The following NRXN3 variants were observed in gnomAD, a reference collection of about 807,000 sequenced individuals.
NRXN3 encodes the protein neurexin III.
A neutral mutation model predicts 137.6 loss-of-function variants in NRXN3; 32 were observed. The observed-to-expected ratio is 0.23, with a 90% CI of 0.18 to 0.31. NRXN3 has a LOEUF of 0.31. Among genes scored for constraint, NRXN3 ranks in the 10% least tolerant of loss-of-function variants. The probability of loss-of-function intolerance (pLI) is 1.00; values close to 1 mark genes in which losing one functional copy is unlikely to be tolerated. For synonymous variants in NRXN3, 798 were observed against 784.5 expected (o/e 1.02, Z -0.29); for missense variants, 1,574 against 2,062.5 (o/e 0.76, Z 4.59).
intron 4 of NRXN3, among the ~76,000 whole-genome samples, chr14:78,601,161 C>T (rs1215117096): frequency 6.6e-6 from 1 of 152,094 alleles, no homozygotes; most frequent in East Asian, 1.9e-4. Flanking sequence ...ATGAAATCTG[C>T]ATTCTTGTGG....
intron 15 of NRXN3, among the ~76,000 whole-genome samples, chr14:79,358,955 A>C (rs1236112700): frequency 2.6e-5 from 4 of 152,332 alleles, no homozygotes; most frequent in Admixed American, 2.6e-4. Flanking sequence ...AGTTAATGGG[A>C]GATGGGAGGA....
At chr14:79,653,136 G>A (rs1200511180) in intron 16 of NRXN3, among the ~76,000 whole-genome samples, 1 of 152,000 alleles carries the variant, frequency 6.6e-6, no homozygotes, top group African/African-American at 2.4e-5. Flanking sequence ...AACTAGGAAA[G>A]GAAAAATGAG....
intron 10 of NRXN3, among the ~76,000 whole-genome samples, chr14:78,923,796 G>T (rs1274121922): frequency 6.6e-6 from 1 of 152,178 alleles, no homozygotes; most frequent in Non-Finnish European, 1.5e-5. Context: ...TTGGGAAGAA[G>T]GTACTGTTAG....
At chr14:79,619,411 A>G (rs972173193) in intron 16 of NRXN3, among the ~76,000 whole-genome samples, 5 of 152,006 alleles carry the variant, frequency 3.3e-5, no homozygotes, top group African/African-American at 1.2e-4. Flanking sequence ...TCCAGTTTCA[A>G]TCTTCTGCAT....
At chr14:79,492,861 C>T (rs1021174637) in intron 16 of NRXN3, among the ~76,000 whole-genome samples, 4 of 152,222 alleles carry the variant, frequency 2.6e-5, no homozygotes, top group Admixed American at 6.5e-5. Context: ...CCGTGATCTA[C>T]TCAAGCATCT....
At chr14:79,517,873 C>CT (rs2097010959) in intron 16 of NRXN3, among the ~76,000 whole-genome samples, 1 of 88,588 alleles carries the variant, frequency 1.1e-5, no homozygotes, top group African/African-American at 4.1e-5. Context: ...ATTACTTTTT[C>CT]TTTCAGAGTT....
At chr14:79,257,238 C>A (rs951548645) in intron 15 of NRXN3, among the ~76,000 whole-genome samples, 2 of 151,794 alleles carry the variant, frequency 1.3e-5, no homozygotes, top group African/African-American at 4.8e-5. Context: ...AACCTCCGTT[C>A]ATGCTGAGTG....
intron 4 of NRXN3, among the ~76,000 whole-genome samples, chr14:78,429,154 C>T (rs907877931): frequency 2.0e-5 from 3 of 151,986 alleles, no homozygotes; most frequent in Non-Finnish European, 2.9e-5. Flanking sequence ...TGGCTCACTG[C>T]AACCCTCCAC....
intron 4 of NRXN3, among the ~76,000 whole-genome samples, chr14:78,622,863 T>C (rs753885195): frequency 9.9e-5 from 15 of 152,266 alleles, no homozygotes; most frequent in African/African-American, 1.9e-4. Flanking sequence ...TGTGGTTTTG[T>C]ATTAAGCTCT....
At chr14:79,591,715 T>TCTAA (rs1406585687) in intron 16 of NRXN3, among the ~76,000 whole-genome samples, 1 of 152,198 alleles carries the variant, frequency 6.6e-6, no homozygotes, top group Non-Finnish European at 1.5e-5. Context: ...GTGTTTAAAT[T>TCTAA]CTAACTCAAT....
chr14:78,745,864 T>G (rs1306535469), intron 8 of NRXN3, among the ~76,000 whole-genome samples: 3 of 152,226 alleles, frequency 2.0e-5, no homozygotes, highest in African/African-American at 7.2e-5. Context: ...TCTTGACTCA[T>G]AGTTCCAAAT....
At chr14:79,293,113 A>G (rs2083468211) in intron 15 of NRXN3, among the ~76,000 whole-genome samples, 2 of 152,110 alleles carry the variant, frequency 1.3e-5, no homozygotes, top group Admixed American at 6.5e-5. Context: ...ATGTGTGTGT[A>G]TTGGTAACCT....
At chr14:79,054,461 C>A (rs1164507771) in intron 15 of NRXN3, among the ~76,000 whole-genome samples, 2 of 152,182 alleles carry the variant, frequency 1.3e-5, no homozygotes, top group Non-Finnish European at 2.9e-5. Flanking sequence ...ACAGCTTTCT[C>A]TCCTTAGAAA....
rs148851286 is a variant in NRXN3 at position 79,129,125 on chromosome 14, C to T, written c.3262+140984C>T. 8.1e-3 allele frequency among the ~76,000 whole-genome samples: 1,233 copies of T among 152,204 alleles called. 12 individuals carry two copies. Among genetic ancestry groups the T allele is most frequent in the African/African-American group, 0.028 (1,152 of 41,510 alleles). On this transcript the variant is annotated intron_variant, in intron 15 of 20. Transcript: ENST00000335750. Reference sequence around the variant, plus strand: ...CAATTTTGTTGATCCTTTCAAAAAACGAGCTCCTGGATTCATTAATTTTTT... The same window carrying T: ...CAATTTTGTTGATCCTTTCAAAAAATGAGCTCCTGGATTCATTAATTTTTT...
chr14:79,296,300 A>G (rs928722337), intron 15 of NRXN3, among the ~76,000 whole-genome samples: 1 of 152,194 alleles, frequency 6.6e-6, no homozygotes, highest in Non-Finnish European at 1.5e-5. Context: ...TCATGAGATA[A>G]GTAGAAACTA....
At chr14:79,235,212 G>A (rs2073161698) in intron 15 of NRXN3, among the ~76,000 whole-genome samples, 1 of 152,074 alleles carries the variant, frequency 6.6e-6, no homozygotes, top group South Asian at 2.1e-4. Context: ...CTATATTTGT[G>A]TAAGAAAGGG....
intron 15 of NRXN3, among the ~76,000 whole-genome samples, chr14:79,039,537 C>A (rs183882656): frequency 6.6e-6 from 1 of 152,210 alleles, no homozygotes; most frequent in East Asian, 1.9e-4. Context: ...ACATGTTCTG[C>A]ACCACACCAT....
intron 8 of NRXN3, among the ~76,000 whole-genome samples, chr14:78,715,897 A>C (rs1371095210): frequency 6.6e-6 from 1 of 152,120 alleles, no homozygotes; most frequent in East Asian, 1.9e-4. Flanking sequence ...GGTATAGAGA[A>C]GCTTGGGAGG....
intron 3 of NRXN3, chr14:78,283,180 C>G: frequency 6.6e-6 from 1 of 152,204 alleles, no homozygotes; most frequent in East Asian, 1.9e-4. Flanking sequence ...AGAATGAACA[C>G]TTACTGACCA....
Sources: gnomAD v4.1 joint callset for allele counts (sites outside exome capture counted in the v4.1 genomes callset) on GRCh38, gnomAD v4.1.1 for gene constraint, MANE v1.5 for transcripts, NCBI Gene and HGNC (gene_info 2026-07-23, HGNC 2026-07-21) for gene names.